HNMT: variants seen among roughly 807,000 people sequenced by gnomAD.
HNMT encodes the protein histamine N-methyltransferase.
HNMT carries 30 observed loss-of-function variants against 32.1 expected under a neutral mutation model. The ratio of observed to expected loss-of-function variants is 0.93; its 90% CI spans 0.70 to 1.27. HNMT has a LOEUF of 1.27. HNMT is among the 50% of genes most tolerant of loss of function. The pLI is 0.00. For missense variants in HNMT, 327 were observed against 346.0 expected, an observed-to-expected ratio of 0.95 and a Z score of 0.43; for synonymous variants, 125 against 119.0, an observed-to-expected ratio of 1.05 and a Z score of -0.33.
chr2:138,008,564 G>A (rs1419061749), intron 5 of HNMT, among the ~76,000 whole-genome samples: 1 of 151,816 alleles, frequency 6.6e-6, no homozygotes, highest in Non-Finnish European at 1.5e-5. Flanking sequence ...CATGGTACTG[G>A]TACAAAAACA....
chr2:137,970,933 A>AAAAGAAAG (rs779617692), intron 2 of HNMT, among the ~76,000 whole-genome samples: 33 of 86,672 alleles, frequency 3.8e-4, no homozygotes, highest in African/African-American at 1.4e-3. Context: ...AAAAAAAAAA[A>AAAAGAAAG]AAAGAAAGAA....
intron 2 of HNMT, among the ~76,000 whole-genome samples, chr2:137,994,769 A>G (rs1425125213): frequency 2.6e-5 from 4 of 152,234 alleles, no homozygotes; most frequent in South Asian, 2.1e-4. Flanking sequence ...CATAATTGGA[A>G]ATAAAACACT....
chr2:137,978,875 TATATA>T (rs201043863), intron 2 of HNMT, among the ~76,000 whole-genome samples: 3,735 of 139,750 alleles, frequency 0.027, 87 homozygotes, highest in Middle Eastern at 0.074. Flanking sequence ...ATAATAGTCT[TATATA>T]ATAAATAGTA....
intron 2 of HNMT, among the ~76,000 whole-genome samples, chr2:137,994,494 C>T (rs1680923280): frequency 1.3e-5 from 2 of 152,148 alleles, no homozygotes; most frequent in Admixed American, 1.3e-4. Flanking sequence ...TATATATGCA[C>T]CCTATACAAG....
At chr2:137,978,646 GTATTATACAATACATAT>G (rs1680371141) in intron 2 of HNMT, among the ~76,000 whole-genome samples, 1 of 136,510 alleles carries the variant, frequency 7.3e-6, no homozygotes, top group Non-Finnish European at 1.5e-5. Context: ...AGATAATATA[GTATTATACAATACATAT>G]GATTAGATAA....
chr2:137,983,701 T>C (rs1314626133), intron 2 of HNMT, among the ~76,000 whole-genome samples: 1 of 152,156 alleles, frequency 6.6e-6, no homozygotes, highest in Non-Finnish European at 1.5e-5. Context: ...AGGAAAATTA[T>C]TTTAGGCTTC....
chr2:138,000,691 A>C (rs779800872), intron 2 of HNMT, among the ~76,000 whole-genome samples: 2 of 152,124 alleles, frequency 1.3e-5, no homozygotes, highest in Non-Finnish European at 2.9e-5. Context: ...TAGATGTTAA[A>C]GATCATGTAA....
At chr2:138,004,739 AATGGGGTCTGTTTTT>A (rs1407924699) in intron 4 of HNMT, among the ~76,000 whole-genome samples, 1 of 152,060 alleles carries the variant, frequency 6.6e-6, no homozygotes, top group Non-Finnish European at 1.5e-5. Flanking sequence ...CGTTCCATGA[AATGGGGTCTGTTTTT>A]ATGGTGCCAG....
chr2:137,978,924 G>GT (rs1290503298), intron 2 of HNMT, among the ~76,000 whole-genome samples: 2 of 138,832 alleles, frequency 1.4e-5, no homozygotes, highest in African/African-American at 5.2e-5. Context: ...ATTATAATAG[G>GT]TAGTATACAT....
In HNMT at chr2:138,000,985, A is replaced by T. The variant is rs1681152538; in HGVS notation, c.258A>T (p.Glu86Asp). The change falls in exon 3 of 6, where the codon GAA becomes GAT. Residue 86 changes from glutamate to aspartate, a missense_variant. Coordinates refer to ENST00000280097, the MANE Select transcript of HNMT (RefSeq NM_006895.3). ...AQYPGVCINN[E>D]VVEPSAEQIA... ...ACCCAGGAGTTTGTATCAACAATGA[A>T]GTTGTTGAGCCAAGTGCTGAACAAA... The T allele has an allele frequency of 6.2e-7, 1 of 1,609,028 alleles. No individual in the cohort carries two copies. The highest frequency in any genetic ancestry group is 8.5e-7 in the Non-Finnish European group (1 of 1,177,482).
At chr2:137,969,897 C>A in intron 1 of HNMT, among the ~76,000 whole-genome samples, 1 of 152,156 alleles carries the variant, frequency 6.6e-6, no homozygotes, top group South Asian at 2.1e-4. Context: ...GTTCTCCAAG[C>A]CATAACCAAA....
At chr2:137,975,655 T>C (rs1680264720) in intron 2 of HNMT, among the ~76,000 whole-genome samples, 1 of 152,200 alleles carries the variant, frequency 6.6e-6, no homozygotes, top group African/African-American at 2.4e-5. Flanking sequence ...CTTAATACTT[T>C]AAGCTGATTG....
At chr2:137,965,218 G>T (rs898050018) in intron 1 of HNMT, among the ~76,000 whole-genome samples, 1 of 152,098 alleles carries the variant, frequency 6.6e-6, no homozygotes, top group African/African-American at 2.4e-5. Flanking sequence ...GAAACTCACT[G>T]GTTCCTATCC....
chr2:138,009,207 C>T (rs1340051935), intron 5 of HNMT, among the ~76,000 whole-genome samples: 2 of 152,044 alleles, frequency 1.3e-5, no homozygotes, highest in Non-Finnish European at 2.9e-5. Context: ...GATACCATCT[C>T]ATACCAGTCA....
intron 5 of HNMT, among the ~76,000 whole-genome samples, chr2:138,011,184 T>C (rs1681492854): frequency 1.3e-5 from 2 of 151,978 alleles, no homozygotes; most frequent in African/African-American, 2.4e-5. Flanking sequence ...AATTAGTGTT[T>C]GGTTCTTTTT....
intron 4 of HNMT, among the ~76,000 whole-genome samples, chr2:138,003,597 T>G (rs1455167): frequency 0.67 from 102,301 of 151,864 alleles, 36,397 homozygotes; most frequent in Non-Finnish European, 0.8. Context: ...CTACCAGACT[T>G]GCTTTTGTTC....
chr2:137,999,249 A>C (rs1681088821), intron 2 of HNMT, among the ~76,000 whole-genome samples: 1 of 152,202 alleles, frequency 6.6e-6, no homozygotes, highest in African/African-American at 2.4e-5. Context: ...TAAAAAGCCT[A>C]GCACAGTGTT....
chr2:137,987,045 T>C (rs1680671235), intron 2 of HNMT, among the ~76,000 whole-genome samples: 1 of 152,336 alleles, frequency 6.6e-6, no homozygotes, highest in East Asian at 1.9e-4. Flanking sequence ...TATGTTTGAA[T>C]AGAGTTTGTT....
At chr2:138,009,484 A>G (rs965520987) in intron 5 of HNMT, among the ~76,000 whole-genome samples, 1 of 152,026 alleles carries the variant, frequency 6.6e-6, no homozygotes, top group African/African-American at 2.4e-5. Flanking sequence ...CATTTCCCTG[A>G]GATAAATTGT....
Sources: allele counts gnomAD v4.1 joint callset (sites outside exome capture counted in the v4.1 genomes callset), GRCh38; gene constraint gnomAD v4.1.1; transcripts MANE v1.5; gene names NCBI Gene and HGNC (gene_info 2026-07-23, HGNC 2026-07-21).